GLCCI1: variants seen among roughly 807,000 people sequenced by gnomAD.
GLCCI1 encodes the protein glucocorticoid induced 1, also known as glucocorticoid-induced transcript 1 protein.
GLCCI1 carries 24 observed loss-of-function variants against 52.2 expected under a neutral mutation model. That is an observed-to-expected ratio of 0.46 (90% confidence interval 0.33 to 0.65). The LOEUF is 0.65. Ranked by LOEUF, GLCCI1 falls within the 30% of genes least tolerant of loss-of-function variation. The pLI, the probability that GLCCI1 is intolerant of heterozygous loss-of-function variation, is 0.02. For synonymous variants in GLCCI1, 310 were observed against 276.5 expected (o/e 1.12, Z -1.20); for missense variants, 704 against 701.5 (o/e 1.00, Z -0.04).
At position 7,969,433 on chromosome 7, in the gene GLCCI1, C is replaced by A. The variant is rs1386363196; in HGVS notation, c.83C>A (p.Ala28Glu). Residue 28 changes from alanine (A) to glutamate (E), a missense_variant, in exon 1 of 8, where the codon GCG (alanine) becomes GAG (glutamate). Physicochemically the swap from Ala to Glu is moderately radical, Grantham distance 107. Around this residue, in one of 3 missense-constraint regions of GLCCI1, gnomAD observed 547 missense variants for 524.8 expected, o/e 1.04. Coordinates refer to ENST00000223145, the MANE Select transcript of GLCCI1 (RefSeq NM_138426.4). This position sits in a 1 kb window ranked among gnomAD's most constrained non-coding sequence, Gnocchi z 4.9. Reference protein sequence around the residue: ...PPSQRMRRSAAGSPPAVAAAG... With the variant: ...PPSQRMRRSAEGSPPAVAAAG... ...TCGCAGAGGATGAGGCGCAGCGCCG[C>A]GGGGTCCCCGCCCGCCGTCGCCGCC... 1.0e-5 allele frequency: 13 copies of A among 1,270,816 alleles called. No homozygotes were observed. Among genetic ancestry groups the A allele is most frequent in the Non-Finnish European group, 1.1e-5 (11 of 1,001,658 alleles). 78.7% of individuals were successfully genotyped at this position (1,270,816 alleles called of 1,614,324 possible).
chr7:8,081,909 A>G (rs555209104), intron 6 of GLCCI1, among the ~76,000 whole-genome samples: 2 of 152,314 alleles, frequency 1.3e-5, no homozygotes, highest in East Asian at 1.9e-4. Flanking sequence ...GTGAATAACT[A>G]TATTCACTGC....
At chr7:8,039,620 T>C (rs1254868792) in intron 3 of GLCCI1, among the ~76,000 whole-genome samples, 11 of 152,150 alleles carry the variant, frequency 7.2e-5, no homozygotes, top group African/African-American at 1.4e-4. Context: ...ATAATAGACA[T>C]TGGAGACTTG....
At position 8,036,151 on chromosome 7, in the gene GLCCI1, T is replaced by G. The variant is rs976441375; in HGVS notation, c.696+13582T>G. Among the ~76,000 whole-genome samples the G allele has an allele frequency of 1.3e-4, 20 of 152,200 alleles. 1 individual carries two copies. Among genetic ancestry groups the G allele is most frequent in the Non-Finnish European group, 2.9e-5 (2 of 68,038 alleles). On this transcript the variant is annotated intron_variant, in intron 3 of 7. Coordinates refer to ENST00000223145, the MANE Select transcript of GLCCI1 (RefSeq NM_138426.4). ...TTGCACAACCCAATACAAAATCTGC[T>G]AACACAAGTGCACAGTTCTGGGGAA...
At chr7:7,972,152 T>C (rs1423240929) in intron 1 of GLCCI1, among the ~76,000 whole-genome samples, 1 of 152,256 alleles carries the variant, frequency 6.6e-6, no homozygotes, top group Non-Finnish European at 1.5e-5. Flanking sequence ...TTCTTTTGAA[T>C]GCTGTAAGGT....
At chr7:8,076,572 C>T (rs1192578461) in intron 6 of GLCCI1, among the ~76,000 whole-genome samples, 4 of 152,146 alleles carry the variant, frequency 2.6e-5, no homozygotes, top group African/African-American at 4.8e-5. Context: ...ACAATTTTAA[C>T]AATGGCAGAT....
intron 1 of GLCCI1, among the ~76,000 whole-genome samples, chr7:7,975,257 A>T (rs1171143994): frequency 6.6e-6 from 1 of 152,222 alleles, no homozygotes; most frequent in African/African-American, 2.4e-5. Context: ...GTGGAAAAGT[A>T]TTTCATTGTA....
intron 3 of GLCCI1, among the ~76,000 whole-genome samples, chr7:8,041,781 A>G (rs1428511415): frequency 6.6e-6 from 1 of 151,970 alleles, no homozygotes; most frequent in African/African-American, 2.4e-5. Context: ...TTGTAGAGAC[A>G]AGGTCTCATT....
At chr7:7,972,459 G>A (rs936846989) in intron 1 of GLCCI1, among the ~76,000 whole-genome samples, 9 of 152,086 alleles carry the variant, frequency 5.9e-5, no homozygotes, top group African/African-American at 1.7e-4. Flanking sequence ...AAGCTGCAAG[G>A]GCTATGGGCA....
chr7:8,085,802 A>G (rs555445962), intron 7 of GLCCI1, among the ~76,000 whole-genome samples: 1 of 152,158 alleles, frequency 6.6e-6, no homozygotes, highest in South Asian at 2.1e-4. Context: ...AAAAGGAGAA[A>G]GTGTTTAAAT....
intron 1 of GLCCI1, among the ~76,000 whole-genome samples, chr7:7,974,088 A>ACTTTTGG (rs1780415907): frequency 6.6e-6 from 1 of 152,086 alleles, no homozygotes; most frequent in Non-Finnish European, 1.5e-5. Flanking sequence ...TTTTCTAAAG[A>ACTTTTGG]GACAGGTTTC....
At chr7:7,971,865 T>C (rs1379678053) in intron 1 of GLCCI1, among the ~76,000 whole-genome samples, 1 of 152,216 alleles carries the variant, frequency 6.6e-6, no homozygotes, top group Non-Finnish European at 1.5e-5. Context: ...AGAGCTTGTG[T>C]TGGGAATGCA....
intron 6 of GLCCI1, among the ~76,000 whole-genome samples, chr7:8,076,534 C>G (rs1467826464): frequency 6.6e-6 from 1 of 152,130 alleles, no homozygotes; most frequent in Non-Finnish European, 1.5e-5. Flanking sequence ...CCAGTAAATG[C>G]TATTGTCCCT....
chr7:8,041,433 G>A (rs1781996435), intron 3 of GLCCI1, among the ~76,000 whole-genome samples: 1 of 152,212 alleles, frequency 6.6e-6, no homozygotes, highest in African/African-American at 2.4e-5. Flanking sequence ...ATACCTAGCT[G>A]AGATCATTGA....
At chr7:8,000,936 G>T (rs747920891) in intron 1 of GLCCI1, among the ~76,000 whole-genome samples, 1 of 152,048 alleles carries the variant, frequency 6.6e-6, no homozygotes, top group Non-Finnish European at 1.5e-5. Context: ...GTGTGTCTCT[G>T]CATGTGAGAT....
At position 7,980,803 on chromosome 7, in the gene GLCCI1, A is replaced by G. The variant is rs1583942434; in HGVS notation, c.457+10996A>G. 6 of 693,960 alleles carry G rather than the reference A, an allele frequency of 8.6e-6. No individual in the cohort carries two copies. The East Asian group carries it at 1.5e-4, about 18-fold the overall frequency. The allele number at this position is 693,960 out of a possible 1,614,324, so 43.0% of individuals were successfully genotyped here. A position where few individuals can be genotyped will look rare whatever the true frequency, so the allele number is the denominator to read the frequency against. ...GTGACAGAAGGCATTGACATAATTA[A>G]GAAAATAAATGAGACCTTTGTTGAC... On this transcript the variant is annotated intron_variant, in intron 1 of 7. Coordinates refer to ENST00000223145, the MANE Select transcript of GLCCI1 (RefSeq NM_138426.4).
At chr7:8,080,578 C>G (rs1782973967) in intron 6 of GLCCI1, among the ~76,000 whole-genome samples, 1 of 151,354 alleles carries the variant, frequency 6.6e-6, no homozygotes, top group Non-Finnish European at 1.5e-5. Context: ...ACCTGGTACT[C>G]CAGATATTAT....
chr7:8,015,642 G>A (rs1032965535), intron 2 of GLCCI1, among the ~76,000 whole-genome samples: 2 of 152,114 alleles, frequency 1.3e-5, no homozygotes, highest in Non-Finnish European at 2.9e-5. Context: ...CATGTTCCTG[G>A]TTTAGGGAGT....
At chr7:8,071,572 A>G (rs1327930325) in intron 6 of GLCCI1, among the ~76,000 whole-genome samples, 1 of 152,222 alleles carries the variant, frequency 6.6e-6, no homozygotes, top group Non-Finnish European at 1.5e-5. Flanking sequence ...CCAAGTTTAT[A>G]AAGCTTAGTG....
chr7:8,049,906 T>A (rs1269856218), intron 3 of GLCCI1, among the ~76,000 whole-genome samples: 2 of 152,248 alleles, frequency 1.3e-5, no homozygotes, highest in Non-Finnish European at 2.9e-5. Flanking sequence ...AGTATAAATT[T>A]GAGGCATCAG....
Sources: allele counts gnomAD v4.1 joint callset (sites outside exome capture counted in the v4.1 genomes callset), GRCh38; gene constraint gnomAD v4.1.1; regional missense constraint gnomAD v4.1.1; non-coding constraint Gnocchi (gnomAD v3.1); transcripts MANE v1.5; gene names NCBI Gene and HGNC (gene_info 2026-07-23, HGNC 2026-07-21).